ZSWIM5: variants seen among roughly 807,000 people sequenced by gnomAD.
ZSWIM5 encodes the protein zinc finger SWIM-type containing 5, also known as zinc finger SWIM domain-containing protein 5.
Under a neutral mutation model 119.6 loss-of-function variants are expected in ZSWIM5, and 55 were observed. The ratio of observed to expected loss-of-function variants is 0.46; its 90% confidence interval spans 0.37 to 0.58. The LOEUF (loss-of-function observed/expected upper bound fraction) is 0.58, where lower values mean the gene tolerates loss of function less well. Ranked by LOEUF, ZSWIM5 falls within the 20% of genes least tolerant of loss-of-function variation. The probability of loss-of-function intolerance (pLI) is 0.00; values close to 1 mark genes in which losing one functional copy is unlikely to be tolerated. For missense variants in ZSWIM5, 1,193 were observed against 1,512.8 expected (o/e 0.79, Z 3.51); for synonymous variants, 537 against 606.9 (o/e 0.88, Z 1.69).
intron 1 of ZSWIM5, among the ~76,000 whole-genome samples, chr1:45,104,160 A>C (rs1390524220): frequency 2.6e-5 from 4 of 152,190 alleles, no homozygotes; most frequent in Non-Finnish European, 5.9e-5. Context: ...ACAGCAGTAT[A>C]CCAGCAGAAG....
intron 9 of ZSWIM5, 45 bp from the exon 10 acceptor site, chr1:45,035,868 T>C (rs1400972056): frequency 6.2e-7 from 1 of 1,604,632 alleles, no homozygotes; most frequent in Admixed American, 1.7e-5. Flanking sequence ...TATGCTTCCA[T>C]CTGCCAGCCT....
At chr1:45,202,251 G>T (rs1267995859) in intron 1 of ZSWIM5, among the ~76,000 whole-genome samples, 1 of 151,900 alleles carries the variant, frequency 6.6e-6, no homozygotes, top group Non-Finnish European at 1.5e-5. Context: ...AAACAATATA[G>T]ATTAAAACAA....
chr1:45,018,702 C>T lies in ZSWIM5; in HGVS notation c.3310G>A (p.Asp1104Asn). ...RRSSGKLMST[D>N]KAPLRQLLDA... is the part of the protein sequence containing the mutation. ...AGCAACTGGCGCAATGGAGCTTTGTCAGTGGACATGAGCTTTCCAGAGCTT... is the reference window on the plus strand; with the variant it reads ...AGCAACTGGCGCAATGGAGCTTTGTTAGTGGACATGAGCTTTCCAGAGCTT... Residue 1104 changes from aspartate to asparagine, a missense_variant, in exon 14 of 14, where the codon GAC (aspartate) becomes AAC (asparagine). Asp to Asn is a conservative substitution (Grantham distance 23). Around this residue, in one of 2 missense-constraint regions of ZSWIM5, gnomAD observed 961 missense variants for 1,290.0 expected, o/e 0.74. Coordinates refer to ENST00000359600, the MANE Select transcript of ZSWIM5 (RefSeq NM_020883.2). The surrounding 1 kb of genome is among the most constrained non-coding windows in gnomAD (Gnocchi z 6.7). 6.2e-7 allele frequency: 1 copy of T among 1,614,222 alleles called. No homozygotes were observed. The highest frequency in any genetic ancestry group is 8.5e-7 in the Non-Finnish European group (1 of 1,180,034).
intron 2 of ZSWIM5, among the ~76,000 whole-genome samples, chr1:45,071,269 C>T (rs1645220240): frequency 6.6e-6 from 1 of 152,050 alleles, no homozygotes; most frequent in African/African-American, 2.4e-5. Flanking sequence ...TGACATCCCC[C>T]CACTACCCTT....
At chr1:45,180,441 G>A (rs1271221142) in intron 1 of ZSWIM5, among the ~76,000 whole-genome samples, 2 of 152,150 alleles carry the variant, frequency 1.3e-5, no homozygotes, top group Non-Finnish European at 2.9e-5. Context: ...GCTCCAACTG[G>A]GTGGAGCCCA....
intron 1 of ZSWIM5, among the ~76,000 whole-genome samples, chr1:45,154,675 A>G (rs1394221967): frequency 6.6e-6 from 1 of 152,136 alleles, no homozygotes; most frequent in Non-Finnish European, 1.5e-5. Flanking sequence ...TGAGATCAGG[A>G]GTTCGAGACC....
Position 45,019,937 on chromosome 1 carries a change from C to A in ZSWIM5, c.2695+129G>T. 1.3e-6 allele frequency: 1 copy of A among 796,512 alleles called. No individual in the cohort carries two copies. The highest frequency in any genetic ancestry group is 2.0e-6 in the Non-Finnish European group (1 of 492,832). The allele number at this position is 796,512 out of a possible 1,614,324, so 49.3% of individuals were successfully genotyped here. A position where few individuals can be genotyped will look rare whatever the true frequency, so the allele number is the denominator to read the frequency against. ...TCTCCTACCAGCAGCCCCATCCTTT[C>A]TTAGGCCATCTCCTGATGGACCTAA... On this transcript the variant is annotated intron_variant, in intron 13 of 13. Coordinates refer to ENST00000359600, the MANE Select transcript of ZSWIM5 (RefSeq NM_020883.2). The surrounding 1 kb of genome is among the most constrained non-coding windows in gnomAD (Gnocchi z 5.0).
At chr1:45,101,447 T>C (rs1407201491) in intron 1 of ZSWIM5, among the ~76,000 whole-genome samples, 3 of 152,092 alleles carry the variant, frequency 2.0e-5, no homozygotes, top group African/African-American at 7.2e-5. Flanking sequence ...TTGGTGGGAG[T>C]GTAAACTAGT....
At chr1:45,165,549 AC>A (rs1201411646) in intron 1 of ZSWIM5, among the ~76,000 whole-genome samples, 1 of 152,090 alleles carries the variant, frequency 6.6e-6, no homozygotes, top group African/African-American at 2.4e-5. Context: ...GAAAAGATCA[AC>A]AAAATTGATA....
intron 12 of ZSWIM5, 115 bp downstream of exon 12, chr1:45,020,510 G>T: frequency 8.0e-7 from 1 of 1,257,434 alleles, no homozygotes; most frequent in Non-Finnish European, 1.1e-6. Context: ...TTGTGTTCTG[G>T]GCCCAAAGGA....
chr1:45,077,473 A>G (rs969429470), intron 2 of ZSWIM5, among the ~76,000 whole-genome samples: 1 of 152,222 alleles, frequency 6.6e-6, no homozygotes, highest in South Asian at 2.1e-4. Context: ...GGTGACAGAC[A>G]TCAAGTACTT....
intron 2 of ZSWIM5, among the ~76,000 whole-genome samples, chr1:45,068,243 C>T (rs1353737953): frequency 2.0e-5 from 3 of 151,662 alleles, no homozygotes; most frequent in South Asian, 2.1e-4. Flanking sequence ...GCTGGGATTA[C>T]AGGTGGTGCA....
At chr1:45,199,684 A>C (rs1010806103) in intron 1 of ZSWIM5, among the ~76,000 whole-genome samples, 29 of 152,136 alleles carry the variant, frequency 1.9e-4, no homozygotes, top group Non-Finnish European at 3.5e-4. Flanking sequence ...ATGACCAAAA[A>C]ACATGTATCC....
intron 2 of ZSWIM5, among the ~76,000 whole-genome samples, chr1:45,078,524 T>G (rs1450333975): frequency 1.3e-5 from 2 of 152,198 alleles, no homozygotes; most frequent in Non-Finnish European, 2.9e-5. Flanking sequence ...TCTCCCAAAC[T>G]AATGGGGTCT....
chr1:45,090,265 G>C (rs1645357389), intron 1 of ZSWIM5, among the ~76,000 whole-genome samples: 1 of 152,170 alleles, frequency 6.6e-6, no homozygotes, highest in African/African-American at 2.4e-5. Flanking sequence ...TCCAGAGCAA[G>C]AAAAAGATAA....
chr1:45,116,867 CT>C (rs1234251495), intron 1 of ZSWIM5, among the ~76,000 whole-genome samples: 8 of 152,160 alleles, frequency 5.3e-5, no homozygotes, highest in Non-Finnish European at 8.8e-5. Flanking sequence ...CTCCTCACCC[CT>C]GTCCATACCC....
At chr1:45,111,322 T>G (rs346737) in intron 1 of ZSWIM5, among the ~76,000 whole-genome samples, 50,626 of 151,866 alleles carry the variant, frequency 0.33, 9,649 homozygotes, top group African/African-American at 0.53. Context: ...GCCAGGAAAG[T>G]TTCTCCAGAA....
rs563721914 is a variant in ZSWIM5, at chr1:45,088,661, G to T, written c.596-424C>A. Among the ~76,000 whole-genome samples the T allele has an allele frequency of 7.9e-5, 12 of 152,192 alleles. No homozygotes were observed. Among genetic ancestry groups the T allele is most frequent in the South Asian group, 2.1e-4 (1 of 4,824 alleles). ...ATAATATCTGTATAATCTAGAGTAA[G>T]GTAGATGTCACAAATGAAAGAGAAT... On this transcript the variant is annotated intron_variant, in intron 1 of 13. Transcript: ENST00000359600. The surrounding 1 kb of genome is among the most constrained non-coding windows in gnomAD (Gnocchi z 4.2).
intron 5 of ZSWIM5, among the ~76,000 whole-genome samples, chr1:45,044,416 G>A (rs1389859600): frequency 5.3e-5 from 8 of 151,156 alleles, no homozygotes; most frequent in South Asian, 2.1e-4. Context: ...GGTGAAACCC[G>A]CTCTCTACAA....
Sources: gnomAD v4.1 joint callset for allele counts (sites outside exome capture counted in the v4.1 genomes callset) on GRCh38, gnomAD v4.1.1 for gene constraint, gnomAD v4.1.1 regional missense constraint, Gnocchi (gnomAD v3.1) non-coding constraint, MANE v1.5 for transcripts, NCBI Gene and HGNC (gene_info 2026-07-23, HGNC 2026-07-21) for gene names.